The following GFRA1 variants were observed in gnomAD, a reference collection of about 807,000 sequenced individuals.
The protein encoded by GFRA1 is GDNF family receptor alpha-1.
Under a neutral mutation model 51.6 loss-of-function variants are expected in GFRA1, and 16 were observed. The observed-to-expected ratio is 0.31, with a 90% CI of 0.21 to 0.47. GFRA1 has a LOEUF of 0.47. GFRA1 is among the 20% of genes least tolerant of loss of function. The pLI, the probability that GFRA1 is intolerant of heterozygous loss-of-function variation, is 1.00. For missense variants in GFRA1, 530 were observed against 594.3 expected (o/e 0.89, Z 1.13); for synonymous variants, 270 against 241.3 (o/e 1.12, Z -1.10).
intron 9 of GFRA1, among the ~76,000 whole-genome samples, chr10:116,081,136 TGAGGGGG>T (rs1452407887): frequency 6.6e-6 from 1 of 152,196 alleles, no homozygotes; most frequent in Non-Finnish European, 1.5e-5. Context: ...GAAATGAACT[TGAGGGGG>T]TCATAGGAAC....
At chr10:116,210,930 T>C (rs1439754204) in intron 5 of GFRA1, among the ~76,000 whole-genome samples, 1 of 152,132 alleles carries the variant, frequency 6.6e-6, no homozygotes. Flanking sequence ...TTGACGTATA[T>C]CCAGAAGGTT....
At chr10:116,115,248 G>A (rs1957366883) in intron 6 of GFRA1, among the ~76,000 whole-genome samples, 1 of 152,138 alleles carries the variant, frequency 6.6e-6, no homozygotes, top group African/African-American at 2.4e-5. Flanking sequence ...GGTAATGCCT[G>A]GGATGGGTGT....
chr10:116,249,896 C>G (rs183538998), intron 4 of GFRA1, among the ~76,000 whole-genome samples: 1 of 152,262 alleles, frequency 6.6e-6, no homozygotes, highest in Non-Finnish European at 1.5e-5. Flanking sequence ...GTGGTAGGGT[C>G]TGTGCAGATA....
In GFRA1 at chr10:116,191,396, T is replaced by C. The variant is rs536264795; in HGVS notation, c.433+20235A>G. 2.0e-5 allele frequency among the ~76,000 whole-genome samples: 3 copies of C among 152,358 alleles called. No homozygotes were observed. In the South Asian group the frequency reaches 6.2e-4, roughly 32 times the overall value. On this transcript the variant is annotated intron_variant, in intron 5 of 10. Transcript: ENST00000355422. ...GAAGCATAATTATAAAGAAACTAGA[T>C]TCTGAGTTTTAAATTCAACTTTTGA...
chr10:116,210,974 A>G (rs1481846286), intron 5 of GFRA1, among the ~76,000 whole-genome samples: 2 of 152,098 alleles, frequency 1.3e-5, no homozygotes, highest in African/African-American at 4.8e-5. Context: ...CTCCTGCTGC[A>G]CCCCAGAGCA....
intron 5 of GFRA1, among the ~76,000 whole-genome samples, chr10:116,148,127 T>A (rs1210307440): frequency 8.0e-6 from 1 of 125,172 alleles, no homozygotes; most frequent in African/African-American, 3.1e-5. Context: ...TGCATGTGTG[T>A]GGGGTGGGGG....
At chr10:116,214,272 A>G (rs1965412195) in intron 4 of GFRA1, among the ~76,000 whole-genome samples, 1 of 152,206 alleles carries the variant, frequency 6.6e-6, no homozygotes, top group Admixed American at 6.5e-5. Context: ...CTCCTGGAGT[A>G]ATTTGTGCGT....
intron 3 of GFRA1, among the ~76,000 whole-genome samples, 169 bp downstream of exon 3, chr10:116,270,653 G>T (rs1843830460): frequency 6.6e-6 from 1 of 152,194 alleles, no homozygotes; most frequent in African/African-American, 2.4e-5. Flanking sequence ...CAACAATGCT[G>T]GTCAGCCCAG....
At chr10:116,155,332 T>G (rs1565614949) in intron 5 of GFRA1, among the ~76,000 whole-genome samples, 2 of 152,086 alleles carry the variant, frequency 1.3e-5, no homozygotes, top group African/African-American at 4.8e-5. Flanking sequence ...CCACATACCC[T>G]CCTTCTAAAT....
chr10:116,114,571 A>C (rs1323543283), intron 6 of GFRA1, among the ~76,000 whole-genome samples: 1 of 152,090 alleles, frequency 6.6e-6, no homozygotes, highest in Non-Finnish European at 1.5e-5. Context: ...TTTTATTTTT[A>C]ATTTTTTTAG....
intron 6 of GFRA1, among the ~76,000 whole-genome samples, chr10:116,102,862 T>C (rs1263831216): frequency 1.3e-5 from 2 of 152,188 alleles, no homozygotes; most frequent in Non-Finnish European, 2.9e-5. Context: ...ACCCAGAACT[T>C]TGGGACAGGA....
chr10:116,263,511 CAT>C (rs1969438002), intron 4 of GFRA1, among the ~76,000 whole-genome samples: 1 of 152,172 alleles, frequency 6.6e-6, no homozygotes, highest in Admixed American at 6.5e-5. Flanking sequence ...AACTCCAGAG[CAT>C]ATGTTCTTTC....
chr10:116,131,904 GAAAAAA>G (rs71010066), intron 5 of GFRA1, among the ~76,000 whole-genome samples: 14 of 100,164 alleles, frequency 1.4e-4, no homozygotes, highest in Admixed American at 3.3e-4. Context: ...ATCTCAAAAG[GAAAAAA>G]AAAAAAAAAA....
rs954486925 is a variant in GFRA1, at chr10:116,057,601, C to A, written c.*6797G>T. The A allele has an allele frequency of 1.3e-5, 2 of 152,112 alleles. No individual in the cohort carries two copies. The highest frequency in any genetic ancestry group is 4.8e-5 in the African/African-American group (2 of 41,408). 9.4% of individuals were successfully genotyped at this position (152,112 alleles called of 1,614,324 possible). A position where few individuals can be genotyped will look rare whatever the true frequency, so the allele number is the denominator to read the frequency against. ...ATAATTTTAATATCAAGGGATAATG[C>A]ACGCAAGATGGGAAAACTTTAAAGC... On this transcript the variant is annotated 3_prime_UTR_variant, in exon 11 of 11. Transcript: ENST00000355422.
chr10:116,224,564 A>G (rs1018274148), intron 4 of GFRA1, among the ~76,000 whole-genome samples: 2 of 152,238 alleles, frequency 1.3e-5, no homozygotes, highest in African/African-American at 4.8e-5. Flanking sequence ...CCTTGAAAGC[A>G]TGATCCTAAG....
intron 5 of GFRA1, among the ~76,000 whole-genome samples, chr10:116,167,347 G>C (rs1025872163): frequency 6.6e-6 from 1 of 151,932 alleles, no homozygotes; most frequent in Admixed American, 6.6e-5. Flanking sequence ...TTGCCCCTCC[G>C]TATTTTCTCC....
chr10:116,132,914 G>A (rs1445566335), intron 5 of GFRA1, among the ~76,000 whole-genome samples: 3 of 152,124 alleles, frequency 2.0e-5, no homozygotes, highest in African/African-American at 7.2e-5. Flanking sequence ...CTGGGCACAA[G>A]CGCCTTCTCG....
intron 9 of GFRA1, among the ~76,000 whole-genome samples, chr10:116,077,099 C>CAAGA (rs1358892107): frequency 6.6e-6 from 1 of 152,138 alleles, no homozygotes; most frequent in Non-Finnish European, 1.5e-5. Flanking sequence ...GCAGTGTGAT[C>CAAGA]AAGAGGCCAT....
chr10:116,093,940 TACAG>T, intron 7 of GFRA1, 104 bp from the exon 8 acceptor site: 1 of 1,080,504 alleles, frequency 9.3e-7, no homozygotes, highest in Non-Finnish European at 1.4e-6. Flanking sequence ...CGTGGATAAT[TACAG>T]ACATTGTATT....
Sources: gnomAD v4.1 joint callset for allele counts (sites outside exome capture counted in the v4.1 genomes callset) on GRCh38, gnomAD v4.1.1 for gene constraint, MANE v1.5 for transcripts, NCBI Gene and HGNC (gene_info 2026-07-23, HGNC 2026-07-21) for gene names.